NFIA: variants seen among roughly 807,000 people sequenced by gnomAD.
The protein encoded by NFIA is nuclear factor 1 A-type.
A neutral mutation model predicts 62.8 loss-of-function variants in NFIA; 8 were observed. The ratio of observed to expected loss-of-function variants is 0.13; its 90% CI spans 0.07 to 0.23. NFIA has a LOEUF of 0.23. Among genes scored for constraint, NFIA ranks in the 10% least tolerant of loss-of-function variants. The pLI is 1.00. For synonymous variants in NFIA, 235 were observed against 238.1 expected (o/e 0.99, Z 0.12); for missense variants, 410 against 642.1 (o/e 0.64, Z 3.91).
At chr1:61,099,388 G>C (rs543678241) in intron 2 of NFIA, among the ~76,000 whole-genome samples, 2 of 152,222 alleles carry the variant, frequency 1.3e-5, no homozygotes, top group South Asian at 4.2e-4. Context: ...CTAAAACTCA[G>C]GACAGAGCAG....
chr1:61,345,210 A>T (rs767258140), intron 4 of NFIA, among the ~76,000 whole-genome samples: 7 of 152,212 alleles, frequency 4.6e-5, no homozygotes, highest in Non-Finnish European at 1.0e-4. Flanking sequence ...CGTTAATTAC[A>T]ATACTACTTA....
chr1:61,333,056 C>T (rs1661387226), intron 4 of NFIA, among the ~76,000 whole-genome samples: 1 of 148,548 alleles, frequency 6.7e-6, no homozygotes, highest in South Asian at 2.1e-4. Flanking sequence ...CGCACACACA[C>T]ACACACACAC....
At chr1:61,117,553 A>T (rs1646813245) in intron 2 of NFIA, among the ~76,000 whole-genome samples, 1 of 152,178 alleles carries the variant, frequency 6.6e-6, no homozygotes, top group South Asian at 2.1e-4. Context: ...TTTTATATTA[A>T]TGTAACTATA....
intron 2 of NFIA, among the ~76,000 whole-genome samples, chr1:61,157,252 C>G (rs1447900214): frequency 6.6e-6 from 1 of 152,090 alleles, no homozygotes; most frequent in Admixed American, 6.5e-5. Context: ...TGATTGTTTT[C>G]TTGAGCTCTG....
chr1:61,210,842 A>G (rs1187583205), intron 2 of NFIA, among the ~76,000 whole-genome samples: 4 of 152,192 alleles, frequency 2.6e-5, no homozygotes, highest in African/African-American at 9.6e-5. Flanking sequence ...GGCAACACTC[A>G]GGTGGACTTC....
intron 2 of NFIA, among the ~76,000 whole-genome samples, chr1:61,206,934 G>T (rs184337413): frequency 6.6e-6 from 1 of 152,112 alleles, no homozygotes; most frequent in South Asian, 2.1e-4. Context: ...AAGTGCTGTC[G>T]TATGAAAGAA....
At chr1:61,106,406 C>A (rs1646601802) in intron 2 of NFIA, among the ~76,000 whole-genome samples, 1 of 151,806 alleles carries the variant, frequency 6.6e-6, no homozygotes, top group South Asian at 2.1e-4. Context: ...CTCCTCACTG[C>A]ACCCTCCCTG....
chr1:61,283,594 A>AAAAAAGAAAG (rs1553168464), intron 3 of NFIA, among the ~76,000 whole-genome samples: 2 of 110,010 alleles, frequency 1.8e-5, no homozygotes, highest in African/African-American at 3.1e-5. Flanking sequence ...AAAAAAAAAA[A>AAAAAAGAAAG]AAAAAAAAAA....
At chr1:61,126,580 T>C (rs1646975160) in intron 2 of NFIA, among the ~76,000 whole-genome samples, 1 of 152,072 alleles carries the variant, frequency 6.6e-6, no homozygotes, top group East Asian at 1.9e-4. Flanking sequence ...CAGAAGATAC[T>C]TTAGTTTCAT....
At chr1:61,200,196 G>A (rs1387881351) in intron 2 of NFIA, among the ~76,000 whole-genome samples, 1 of 151,220 alleles carries the variant, frequency 6.6e-6, no homozygotes, top group African/African-American at 2.4e-5. Context: ...GGACTCTGGA[G>A]CCCAGTTGCT....
chr1:61,350,044 C>A (rs191636451), intron 4 of NFIA, among the ~76,000 whole-genome samples: 63 of 152,280 alleles, frequency 4.1e-4, no homozygotes, highest in Non-Finnish European at 7.8e-4. Context: ...TTCAGGCGCC[C>A]CCCACCCTTT....
chr1:61,351,729 GA>G (rs1382315737), intron 4 of NFIA, among the ~76,000 whole-genome samples: 1 of 152,178 alleles, frequency 6.6e-6, no homozygotes, highest in Non-Finnish European at 1.5e-5. Context: ...TCAAAGGTCA[GA>G]AAATCATTTT....
chr1:61,239,142 C>T (rs566865447), intron 2 of NFIA, among the ~76,000 whole-genome samples: 2 of 152,114 alleles, frequency 1.3e-5, no homozygotes, highest in African/African-American at 4.8e-5. Flanking sequence ...TTTTGCATAA[C>T]TTGGAATGAC....
rs143879036 is a variant in NFIA, at chr1:61,462,473, G to A, written c.*7153G>A. 4 of 152,324 alleles carry A rather than the reference G, an allele frequency of 2.6e-5. No homozygotes were observed. In the East Asian group the frequency reaches 5.8e-4, roughly 22 times the overall value. The allele number at this position is 152,324 out of a possible 1,614,324, so 9.4% of individuals were successfully genotyped here. A position where few individuals can be genotyped will look rare whatever the true frequency, so the allele number is the denominator to read the frequency against. On this transcript the variant is annotated 3_prime_UTR_variant, in exon 11 of 11. Transcript: ENST00000403491. ...TCTGTTATGAAACGAAACACCCCCC[G>A]TGTTAATAACTTGGTCTGAAATCTG...
At chr1:61,285,787 G>A (rs78881840) in intron 3 of NFIA, among the ~76,000 whole-genome samples, 3,324 of 152,258 alleles carry the variant, frequency 0.022, 61 homozygotes, top group Middle Eastern at 0.045. Flanking sequence ...CTTATCCACA[G>A]GCATCATATG....
At position 61,391,835 on chromosome 1, in the gene NFIA, A is replaced by T. The variant is rs147684069; in HGVS notation, c.1075+8470A>T. Among the ~76,000 whole-genome samples, 36 of 152,316 alleles carry T rather than the reference A, an allele frequency of 2.4e-4. No homozygotes were observed. In the East Asian group the frequency reaches 6.5e-3, roughly 28 times the overall value. ...AAAGCTTTTAACTTAGTTGGAGAAC[A>T]TGCTGGTGATCCACTGAATCTAATT... On this transcript the variant is annotated intron_variant, in intron 7 of 10. Coordinates refer to ENST00000403491, the MANE Select transcript of NFIA (RefSeq NM_001134673.4).
At chr1:61,119,884 C>T (rs192798865) in intron 2 of NFIA, among the ~76,000 whole-genome samples, 2 of 152,214 alleles carry the variant, frequency 1.3e-5, no homozygotes, top group East Asian at 3.9e-4. Context: ...CCTCTGTATG[C>T]CCTGCTCATC....
At chr1:61,282,271 TCAGA>T (rs1437606646) in intron 3 of NFIA, among the ~76,000 whole-genome samples, 2 of 152,166 alleles carry the variant, frequency 1.3e-5, no homozygotes. Context: ...GGAATGCAGT[TCAGA>T]CAAAGTTCCT....
chr1:61,409,479 A>C (rs1665999898), intron 9 of NFIA, among the ~76,000 whole-genome samples: 2 of 152,212 alleles, frequency 1.3e-5, no homozygotes, highest in African/African-American at 4.8e-5. Context: ...AAAATCTTGA[A>C]GCCCACTCAT....
Sources: allele counts gnomAD v4.1 joint callset (sites outside exome capture counted in the v4.1 genomes callset), GRCh38; gene constraint gnomAD v4.1.1; transcripts MANE v1.5; gene names NCBI Gene and HGNC (gene_info 2026-07-23, HGNC 2026-07-21).